MYT1L: variants seen among roughly 807,000 people sequenced by gnomAD.
MYT1L encodes the protein myelin transcription factor 1 like, also known as myelin transcription factor 1-like protein.
A neutral mutation model predicts 126.7 loss-of-function variants in MYT1L; 12 were observed. That is an observed-to-expected ratio of 0.09 (90% CI 0.06 to 0.15). The LOEUF (loss-of-function observed/expected upper bound fraction) is 0.15. MYT1L is among the 10% of genes least tolerant of loss of function. MYT1L has a pLI of 1.00. For missense variants in MYT1L, 979 were observed against 1,585.2 expected (o/e 0.62, Z 6.49); for synonymous variants, 541 against 604.2 (o/e 0.90, Z 1.53).
At chr2:1,829,963 T>C (rs975184066) in intron 21 of MYT1L, among the ~76,000 whole-genome samples, 6 of 152,176 alleles carry the variant, frequency 3.9e-5, no homozygotes, top group African/African-American at 1.4e-4. Context: ...ATTGAGTCAA[T>C]GGTGCAGGAA....
chr2:2,292,105 A>G (rs2149467364), intron 1 of MYT1L, among the ~76,000 whole-genome samples: 1 of 152,232 alleles, frequency 6.6e-6, no homozygotes. Flanking sequence ...GGAAGGAAGG[A>G]ATCTTCCCAG....
intron 8 of MYT1L, among the ~76,000 whole-genome samples, chr2:1,946,289 A>G (rs1456739141): frequency 3.9e-5 from 6 of 152,142 alleles, no homozygotes; most frequent in Non-Finnish European, 8.8e-5. Context: ...GGTGAGTTGT[A>G]AACTTATTTC....
intron 1 of MYT1L, among the ~76,000 whole-genome samples, chr2:2,297,222 T>G (rs536674621): frequency 6.6e-6 from 1 of 152,328 alleles, no homozygotes; most frequent in East Asian, 1.9e-4. Context: ...GGCTTCTCAG[T>G]GAAGTCGTGA....
At chr2:2,005,261 T>TGCGTTCTTTCCTGC (rs74164551) in intron 4 of MYT1L, among the ~76,000 whole-genome samples, 41 of 132,642 alleles carry the variant, frequency 3.1e-4, no homozygotes, top group African/African-American at 9.0e-4. Flanking sequence ...CTTTCCTGCA[T>TGCGTTCTTTCCTGC]ACGTTCTTTC....
At chr2:2,155,073 G>T (rs755163982) in intron 3 of MYT1L, among the ~76,000 whole-genome samples, 1 of 152,220 alleles carries the variant, frequency 6.6e-6, no homozygotes, top group Non-Finnish European at 1.5e-5. Context: ...GTTGCAGTGA[G>T]CCAAGATCGT....
At chr2:2,128,147 ACTT>A (rs1426379534) in intron 3 of MYT1L, among the ~76,000 whole-genome samples, 2 of 152,002 alleles carry the variant, frequency 1.3e-5, no homozygotes, top group African/African-American at 2.4e-5. Flanking sequence ...TAAACCTTGA[ACTT>A]CTTTTTATTT....
intron 3 of MYT1L, among the ~76,000 whole-genome samples, chr2:2,133,143 G>A (rs150796135): frequency 3.9e-5 from 6 of 152,284 alleles, no homozygotes; most frequent in Non-Finnish European, 8.8e-5. Context: ...AGGCTCGCAT[G>A]CCAGCATTAC....
intron 3 of MYT1L, among the ~76,000 whole-genome samples, chr2:2,135,217 T>C (rs937529349): frequency 2.6e-5 from 4 of 152,142 alleles, no homozygotes; most frequent in South Asian, 2.1e-4. Flanking sequence ...TGGAGGGTAA[T>C]TGAATCATGG....
chr2:2,004,837 T>C (rs1439396535), intron 4 of MYT1L, among the ~76,000 whole-genome samples: 1 of 151,080 alleles, frequency 6.6e-6, no homozygotes, highest in East Asian at 2.0e-4. Flanking sequence ...CATGTGTTCT[T>C]TCCTGCATGC....
chr2:2,328,990 A>C (rs936059268), intron 1 of MYT1L, among the ~76,000 whole-genome samples: 1 of 152,202 alleles, frequency 6.6e-6, no homozygotes, highest in African/African-American at 2.4e-5. Context: ...AGCCATTTTC[A>C]CATTGCCAAT....
chr2:1,829,584 TTGACCCTCCCATGCACCTGTGAAC>T (rs2039835607), intron 21 of MYT1L, among the ~76,000 whole-genome samples: 2 of 46,486 alleles, frequency 4.3e-5, no homozygotes, highest in Non-Finnish European at 7.4e-5. Context: ...CACCTGTGAA[TTGACCCTCCCATGCACCTGTGAAC>T]TGACCCTCCC....
intron 1 of MYT1L, among the ~76,000 whole-genome samples, chr2:2,285,916 G>A (rs959295020): frequency 6.6e-6 from 1 of 152,242 alleles, no homozygotes; most frequent in East Asian, 1.9e-4. Context: ...GCTGCTGCAG[G>A]CTAGCCTCCA....
intron 13 of MYT1L, among the ~76,000 whole-genome samples, chr2:1,907,218 C>T (rs913775350): frequency 2.6e-5 from 4 of 151,588 alleles, no homozygotes; most frequent in African/African-American, 9.7e-5. Flanking sequence ...AGAGAACACT[C>T]CAGGCTATGG....
chr2:1,903,572 T>C (rs1388856001), intron 13 of MYT1L, among the ~76,000 whole-genome samples: 1 of 151,950 alleles, frequency 6.6e-6, no homozygotes, highest in East Asian at 1.9e-4. Flanking sequence ...CTGTAAGAGG[T>C]CTGGTGGCTT....
intron 3 of MYT1L, among the ~76,000 whole-genome samples, chr2:2,056,311 C>A (rs539814390): frequency 3.2e-4 from 49 of 152,272 alleles, no homozygotes; most frequent in African/African-American, 1.1e-3. Flanking sequence ...AACATGAGAA[C>A]CCCTCTTGGA....
intron 3 of MYT1L, among the ~76,000 whole-genome samples, chr2:2,165,984 A>G (rs111802336): frequency 0.018 from 2,194 of 119,312 alleles, 52 homozygotes; most frequent in African/African-American, 0.065. Context: ...TTTAAAGTAC[A>G]GAATTTTAGA....
rs146767323 is a variant in MYT1L at position 1,882,292 on chromosome 2, C to T, written c.2711+4247G>A. Among the ~76,000 whole-genome samples, 993 of 152,272 alleles carry T rather than the reference C, an allele frequency of 6.5e-3. 8 individuals are homozygous for T. Among genetic ancestry groups the T allele is most frequent in the African/African-American group, 0.023 (958 of 41,562 alleles). ...GGAGTGACCCACACCCGAGAAACCC[C>T]AGGCCATCACCTCTTCTCCCCCGAG... On this transcript the variant is annotated intron_variant, in intron 18 of 24. Transcript: ENST00000647738.
chr2:2,069,825 A>G (rs1281270196), intron 3 of MYT1L, among the ~76,000 whole-genome samples: 1 of 151,924 alleles, frequency 6.6e-6, no homozygotes, highest in Non-Finnish European at 1.5e-5. Context: ...ATGACCAGTG[A>G]TGATGAGCTT....
chr2:1,917,066 C>T lies in MYT1L; in HGVS notation c.1618+139G>A, dbSNP rs374044114. 2 of 1,111,738 alleles carry T rather than the reference C, an allele frequency of 1.8e-6. No individual in the cohort carries two copies. The highest frequency in any genetic ancestry group is 2.5e-6 in the Non-Finnish European group (2 of 786,390). The allele number at this position is 1,111,738 out of a possible 1,614,324, so 68.9% of individuals were successfully genotyped here. On this transcript the variant is annotated intron_variant, in intron 11 of 24. Coordinates refer to ENST00000647738, the MANE Select transcript of MYT1L (RefSeq NM_001303052.2). The surrounding 1 kb of genome is among the most constrained non-coding windows in gnomAD (Gnocchi z 5.9). ...ATGCCCACGAATCCTGGATCAGTTG[C>T]CCATCAAGTTAAGTAGGGGCCTAGT...
Sources: gnomAD v4.1 joint callset for allele counts (sites outside exome capture counted in the v4.1 genomes callset) on GRCh38, gnomAD v4.1.1 for gene constraint, Gnocchi (gnomAD v3.1) non-coding constraint, MANE v1.5 for transcripts, NCBI Gene and HGNC (gene_info 2026-07-23, HGNC 2026-07-21) for gene names.